FOXJ3: variants seen among roughly 807,000 people sequenced by gnomAD.
FOXJ3 encodes the protein forkhead box protein J3.
Under a neutral mutation model 76.1 loss-of-function variants are expected in FOXJ3, and 22 were observed. That is an observed-to-expected ratio of 0.29 (90% CI 0.21 to 0.41). The LOEUF is 0.41. FOXJ3 is among the 10% of genes least tolerant of loss of function. The pLI, the probability that FOXJ3 is intolerant of heterozygous loss-of-function variation, is 1.00. For synonymous variants in FOXJ3, 269 were observed against 261.2 expected (o/e 1.03, Z -0.29); for missense variants, 613 against 762.1 (o/e 0.80, Z 2.30).
chr1:42,251,628 C>G (rs975646869), intron 4 of FOXJ3, among the ~76,000 whole-genome samples: 3 of 151,232 alleles, frequency 2.0e-5, no homozygotes, highest in African/African-American at 7.3e-5. Context: ...ATTGAACCAG[C>G]CTTGCATCCC....
At chr1:42,208,524 T>C (rs1035074483) in intron 5 of FOXJ3, among the ~76,000 whole-genome samples, 2 of 152,188 alleles carry the variant, frequency 1.3e-5, no homozygotes, top group Admixed American at 6.5e-5. Flanking sequence ...AAAAAAGGTA[T>C]AGAAGGAACA....
intron 2 of FOXJ3, among the ~76,000 whole-genome samples, chr1:42,291,893 G>C (rs1653459983): frequency 1.3e-5 from 2 of 152,106 alleles, no homozygotes; most frequent in South Asian, 4.1e-4. Flanking sequence ...ACTTGAACAG[G>C]TACTTCAACA....
intron 4 of FOXJ3, among the ~76,000 whole-genome samples, chr1:42,255,447 TA>T (rs1557678222): frequency 6.6e-6 from 1 of 152,010 alleles, no homozygotes; most frequent in African/African-American, 2.4e-5. Context: ...GTTGCAGAAA[TA>T]AAGCAACGTT....
chr1:42,323,575 C>T (rs1474484937), intron 1 of FOXJ3: 2 of 271,674 alleles, frequency 7.4e-6, no homozygotes, highest in African/African-American at 2.3e-5. Flanking sequence ...ATCTCATCCA[C>T]GAAGCTTTTG....
intron 11 of FOXJ3, among the ~76,000 whole-genome samples, chr1:42,185,260 T>C (rs1310811703): frequency 7.0e-6 from 1 of 142,374 alleles, no homozygotes; most frequent in East Asian, 2.0e-4. Context: ...GAATTTTTTT[T>C]TTTTTTTTTT....
intron 4 of FOXJ3, among the ~76,000 whole-genome samples, chr1:42,263,385 G>C (rs1301111536): frequency 6.6e-6 from 1 of 151,998 alleles, no homozygotes. Flanking sequence ...CAGGACTCTA[G>C]TAAATAATCT....
chr1:42,267,314 A>C (rs749858284), intron 3 of FOXJ3, among the ~76,000 whole-genome samples: 2 of 152,090 alleles, frequency 1.3e-5, no homozygotes, highest in Non-Finnish European at 2.9e-5. Flanking sequence ...AAATCTAAAG[A>C]GATGAAAAAA....
intron 9 of FOXJ3, among the ~76,000 whole-genome samples, chr1:42,191,049 T>C (rs546273635): frequency 1.2e-3 from 188 of 151,584 alleles, no homozygotes; most frequent in African/African-American, 3.9e-3. Context: ...TGTAAGATAA[T>C]GTATCTAAAT....
At chr1:42,206,124 T>C (rs1048997395) in intron 5 of FOXJ3, 19 of 374,346 alleles carry the variant, frequency 5.1e-5, no homozygotes, top group Non-Finnish European at 9.1e-5. Context: ...AATAAACTTC[T>C]GTAGTGAAAA....
At position 42,279,696 on chromosome 1, in the gene FOXJ3, T is replaced by C. The variant is rs560651838; in HGVS notation, c.45-1024A>G. ...AATTGTTAACTTTCAGCAGAGGACA[T>C]AAGCCCTTCTATTCTGGGATCAAAG... On this transcript the variant is annotated intron_variant, in intron 2 of 12. Coordinates refer to ENST00000361346, the MANE Select transcript of FOXJ3 (RefSeq NM_014947.5). Among the ~76,000 whole-genome samples the C allele has an allele frequency of 2.0e-4, 30 of 152,240 alleles. No homozygotes were observed. The South Asian group carries it at 6.2e-3, about 32-fold the overall frequency.
At chr1:42,292,620 A>C (rs1359015260) in intron 2 of FOXJ3, among the ~76,000 whole-genome samples, 1 of 152,260 alleles carries the variant, frequency 6.6e-6, no homozygotes, top group East Asian at 1.9e-4. Flanking sequence ...AGAAAAGCAG[A>C]TCAGTAGATA....
chr1:42,242,432 C>G lies in FOXJ3; in HGVS notation c.445-14466G>C, dbSNP rs534905114. On this transcript the variant is annotated intron_variant, in intron 4 of 12. Transcript: ENST00000361346. ...AGATATCATTAAAAAGAACCAAAAA[C>G]AGATCCTGGAATGAAATAATTCAAT... is the stretch of plus-strand genomic sequence containing the variant. 1.0e-3 allele frequency among the ~76,000 whole-genome samples: 153 copies of G among 151,928 alleles called. 1 individual carries two copies. Among genetic ancestry groups the G allele is most frequent in the South Asian group, 4.8e-3 (23 of 4,818 alleles).
intron 4 of FOXJ3, among the ~76,000 whole-genome samples, chr1:42,234,458 TGGA>T (rs1287688280): frequency 6.6e-6 from 1 of 152,228 alleles, no homozygotes; most frequent in Non-Finnish European, 1.5e-5. Context: ...TGTGTTCCTC[TGGA>T]GGAGGAGAGG....
chr1:42,251,908 G>A (rs140505178), intron 4 of FOXJ3, among the ~76,000 whole-genome samples: 4,855 of 151,642 alleles, frequency 0.032, 265 homozygotes, highest in African/African-American at 0.11. Flanking sequence ...TAGTAGAGAC[G>A]GGGTTTCACC....
At chr1:42,217,210 C>T (rs1222896383) in intron 5 of FOXJ3, among the ~76,000 whole-genome samples, 1 of 152,062 alleles carries the variant, frequency 6.6e-6, no homozygotes, top group Non-Finnish European at 1.5e-5. Flanking sequence ...ATACTAGCTA[C>T]AAGCAATTGG....
In FOXJ3 at chr1:42,285,579, G is replaced by A. The variant is rs541247356; in HGVS notation, c.45-6907C>T. On this transcript the variant is annotated intron_variant, in intron 2 of 12. Transcript: ENST00000361346. Reference sequence around the variant, plus strand: ...AAAATACTCCCCAAGGCTTATCAACGAAGAGAGCTGTAAAAACTGTGCATT... The same window carrying A: ...AAAATACTCCCCAAGGCTTATCAACAAAGAGAGCTGTAAAAACTGTGCATT... Among the ~76,000 whole-genome samples the A allele has an allele frequency of 3.1e-4, 47 of 152,258 alleles. No individual in the cohort carries two copies. The South Asian group carries it at 9.3e-3, about 30-fold the overall frequency.
At chr1:42,189,696 TAGCA>T (rs894342790) in intron 9 of FOXJ3, 8 of 284,146 alleles carry the variant, frequency 2.8e-5, no homozygotes, top group Non-Finnish European at 5.4e-5. Flanking sequence ...ACCTCCAGTC[TAGCA>T]GTTTCCAAAT....
At chr1:42,334,002 T>G in intron 1 of FOXJ3, 1 of 191,824 alleles carries the variant, frequency 5.2e-6, no homozygotes, top group Non-Finnish European at 9.6e-6. Flanking sequence ...CTTCAGGAAT[T>G]AGAGTGAATG....
At chr1:42,226,182 T>C (rs533772571) in intron 5 of FOXJ3, among the ~76,000 whole-genome samples, 1 of 151,872 alleles carries the variant, frequency 6.6e-6, no homozygotes, top group Admixed American at 6.6e-5. Flanking sequence ...TTAAGCCTAC[T>C]TTAAAAGGCA....
Sources: allele counts gnomAD v4.1 joint callset (sites outside exome capture counted in the v4.1 genomes callset), GRCh38; gene constraint gnomAD v4.1.1; transcripts MANE v1.5; gene names NCBI Gene and HGNC (gene_info 2026-07-23, HGNC 2026-07-21).